The following SLC39A11 variants were observed in gnomAD, a reference collection of about 807,000 sequenced individuals.
The protein encoded by SLC39A11 is solute carrier family 39 member 11.
A neutral mutation model predicts 36.1 loss-of-function variants in SLC39A11; 33 were observed. That is an observed-to-expected ratio of 0.91 (90% CI 0.69 to 1.22). The LOEUF is 1.22. Among genes scored for constraint, SLC39A11 ranks in the 50% most tolerant of loss-of-function variants. SLC39A11 has a pLI of 0.00. For missense variants in SLC39A11, 432 were observed against 430.3 expected, an observed-to-expected ratio of 1.00 and a Z score of -0.03; for synonymous variants, 166 against 170.3, an observed-to-expected ratio of 0.97 and a Z score of 0.20.
intron 7 of SLC39A11, among the ~76,000 whole-genome samples, chr17:72,694,111 C>T (rs2072172528): frequency 6.6e-6 from 1 of 152,328 alleles, no homozygotes; most frequent in African/African-American, 2.4e-5. Flanking sequence ...GGCTTCCCAG[C>T]TTGCAGCATG....
chr17:72,845,866 A>G (rs9898049), intron 6 of SLC39A11, among the ~76,000 whole-genome samples: 66,345 of 151,952 alleles, frequency 0.44, 14,799 homozygotes, highest in East Asian at 0.67. Context: ...ATCTAACTCA[A>G]TTGAGATTCC....
intron 4 of SLC39A11, among the ~76,000 whole-genome samples, chr17:73,009,354 C>CAA (rs56818175): frequency 2.2e-5 from 2 of 92,612 alleles, no homozygotes; most frequent in South Asian, 3.6e-4. Context: ...GACTCCATCT[C>CAA]AAAAAAAAAA....
At chr17:73,002,642 G>C (rs930766823) in intron 4 of SLC39A11, among the ~76,000 whole-genome samples, 1 of 152,162 alleles carries the variant, frequency 6.6e-6, no homozygotes, top group Non-Finnish European at 1.5e-5. Context: ...GCACACTATG[G>C]GGAGAACTAA....
chr17:73,037,312 G>T (rs948516575), intron 3 of SLC39A11, among the ~76,000 whole-genome samples: 1 of 152,172 alleles, frequency 6.6e-6, no homozygotes. Context: ...CAGCACAGGT[G>T]GGGAGGTGAA....
At chr17:72,658,707 C>T (rs1394631842) in intron 7 of SLC39A11, among the ~76,000 whole-genome samples, 1 of 152,206 alleles carries the variant, frequency 6.6e-6, no homozygotes, top group Non-Finnish European at 1.5e-5. Context: ...TCAAACACAT[C>T]TGGGTGGGAC....
intron 6 of SLC39A11, among the ~76,000 whole-genome samples, chr17:72,758,259 T>A (rs954878352): frequency 6.6e-6 from 1 of 152,168 alleles, no homozygotes; most frequent in Non-Finnish European, 1.5e-5. Flanking sequence ...ATAATGATTA[T>A]AAGAAAGGTC....
chr17:72,710,004 A>C lies in SLC39A11; in HGVS notation c.671+26646T>G, dbSNP rs111932145. 7.2e-4 allele frequency among the ~76,000 whole-genome samples: 110 copies of C among 152,298 alleles called. 1 individual carries two copies. Among genetic ancestry groups the C allele is most frequent in the African/African-American group, 2.4e-3 (98 of 41,560 alleles). On this transcript the variant is annotated intron_variant, in intron 7 of 9. Coordinates refer to ENST00000255559, the MANE Select transcript of SLC39A11 (RefSeq NM_139177.4). ...TAATTTTGATTGTTGCTCCTGTTCA[A>C]ATTGATCTGGTTGCTCTTTGAGGAA... is the stretch of plus-strand genomic sequence containing the variant.
chr17:72,662,288 GA>G (rs1567917349), intron 7 of SLC39A11, among the ~76,000 whole-genome samples: 151 of 144,494 alleles, frequency 1.0e-3, no homozygotes, highest in African/African-American at 3.9e-3. Context: ...AAGAAAGGAA[GA>G]AAGAAAAGAG....
rs1555693446 is a variant in SLC39A11 at position 73,047,990 on chromosome 17, A to AAAATAT, written c.148-16277_148-16276insATATTT. Among the ~76,000 whole-genome samples the AAAATAT allele has an allele frequency of 1.4e-4, 8 of 58,672 alleles. 1 individual carries two copies. The highest frequency in any genetic ancestry group is 1.8e-4 in the Non-Finnish European group (6 of 33,494). 38.5% of individuals were successfully genotyped at this position (58,672 alleles called of 152,430 possible). ...TCAAAAAAAAAAAAAAAAAAAAAAA[A>AAAATAT]ATATATATATATATATATATATATA... On this transcript the variant is annotated intron_variant, in intron 3 of 9. Coordinates refer to ENST00000255559, the MANE Select transcript of SLC39A11 (RefSeq NM_139177.4).
At chr17:72,724,259 T>G (rs1598455316) in intron 7 of SLC39A11, among the ~76,000 whole-genome samples, 1 of 152,146 alleles carries the variant, frequency 6.6e-6, no homozygotes, top group Admixed American at 6.5e-5. Flanking sequence ...AGGCCCAAGA[T>G]GATTCATTTC....
chr17:72,872,572 G>A (rs1308786901), intron 5 of SLC39A11, among the ~76,000 whole-genome samples: 1 of 152,190 alleles, frequency 6.6e-6, no homozygotes, highest in Non-Finnish European at 1.5e-5. Flanking sequence ...TTACATAGCT[G>A]ATCCATCTTG....
At chr17:72,868,350 A>C (rs1350847018) in intron 5 of SLC39A11, among the ~76,000 whole-genome samples, 1 of 152,166 alleles carries the variant, frequency 6.6e-6, no homozygotes, top group Non-Finnish European at 1.5e-5. Context: ...GAGGGAAAAA[A>C]TAATAAAAGC....
At chr17:72,822,314 TAA>T (rs2077822005) in intron 6 of SLC39A11, among the ~76,000 whole-genome samples, 1 of 146,846 alleles carries the variant, frequency 6.8e-6, no homozygotes, top group African/African-American at 2.5e-5. Context: ...TAGAGAGATA[TAA>T]TATATATATA....
At chr17:73,011,621 T>C (rs2090520858) in intron 4 of SLC39A11, among the ~76,000 whole-genome samples, 1 of 150,934 alleles carries the variant, frequency 6.6e-6, no homozygotes, top group African/African-American at 2.4e-5. Flanking sequence ...AGGGTGACTA[T>C]AGTCAAAATA....
chr17:72,947,739 A>C lies in SLC39A11; in HGVS notation c.430+13T>G, dbSNP rs1370344535. On this transcript the variant is annotated intron_variant, in intron 5 of 9. Coordinates refer to ENST00000255559, the MANE Select transcript of SLC39A11 (RefSeq NM_139177.4). ...TGCAGCAAAGAGCTTGCCTGAAAGA[A>C]GCCCAGCTCTACCTATCCGGATGGA... is the stretch of plus-strand genomic sequence containing the variant. The C allele has an allele frequency of 2.5e-6, 4 of 1,613,616 alleles. No homozygotes were observed. Among genetic ancestry groups the C allele is most frequent in the African/African-American group, 1.3e-5 (1 of 74,910 alleles).
intron 6 of SLC39A11, among the ~76,000 whole-genome samples, chr17:72,817,277 G>A (rs1033587108): frequency 7.1e-6 from 1 of 141,066 alleles, no homozygotes; most frequent in African/African-American, 2.6e-5. Context: ...AATGGCAAGA[G>A]AGGAAGCATG....
At chr17:72,833,999 C>T (rs562757124) in intron 6 of SLC39A11, among the ~76,000 whole-genome samples, 1 of 152,334 alleles carries the variant, frequency 6.6e-6, no homozygotes, top group East Asian at 1.9e-4. Context: ...GGACATACCC[C>T]ATGACTGAGA....
chr17:72,837,360 CAAAAAAAA>C (rs34639176), intron 6 of SLC39A11, among the ~76,000 whole-genome samples: 4 of 91,134 alleles, frequency 4.4e-5, no homozygotes, highest in African/African-American at 1.6e-4. Flanking sequence ...GTATATTGCT[CAAAAAAAA>C]AAAAAAAAAA....
intron 5 of SLC39A11, among the ~76,000 whole-genome samples, chr17:72,914,140 C>A (rs1258675713): frequency 1.3e-5 from 2 of 151,544 alleles, no homozygotes; most frequent in African/African-American, 4.9e-5. Flanking sequence ...CATGGTGAAA[C>A]CCTGTCTCTA....
Sources: gnomAD v4.1 joint callset for allele counts (sites outside exome capture counted in the v4.1 genomes callset) on GRCh38, gnomAD v4.1.1 for gene constraint, MANE v1.5 for transcripts, NCBI Gene and HGNC (gene_info 2026-07-23, HGNC 2026-07-21) for gene names.